Variants in FAM193A observed in about 807,000 individuals in gnomAD.
The protein encoded by FAM193A is protein FAM193A.
FAM193A carries 22 observed loss-of-function variants against 126.5 expected under a neutral mutation model. The observed-to-expected ratio is 0.17, with a 90% confidence interval of 0.12 to 0.25. FAM193A has a LOEUF of 0.25. Among genes scored for constraint, FAM193A ranks in the 10% least tolerant of loss-of-function variants. FAM193A has a pLI of 1.00. For missense variants in FAM193A, 1,675 were observed against 1,672.8 expected, an observed-to-expected ratio of 1.00 and a Z score of -0.02; for synonymous variants, 761 against 646.8, an observed-to-expected ratio of 1.18 and a Z score of -2.68.
chr4:2,620,837 A>AAAAAAAAAAAG (rs1742502096), intron 2 of FAM193A, among the ~76,000 whole-genome samples: 2 of 30,844 alleles, frequency 6.5e-5, no homozygotes, highest in African/African-American at 2.3e-4. Flanking sequence ...ACTCCGTCTC[A>AAAAAAAAAAAG]AAAAAAAAAA....
chr4:2,719,977 T>C, intron 20 of FAM193A: 1 of 296,896 alleles, frequency 3.4e-6, no homozygotes, highest in Non-Finnish European at 7.0e-6. Context: ...CTTCTTTTTG[T>C]AGAGACGGGG....
At chr4:2,592,243 C>T (rs1447952841) in intron 1 of FAM193A, among the ~76,000 whole-genome samples, 3 of 152,094 alleles carry the variant, frequency 2.0e-5, no homozygotes, top group Admixed American at 2.0e-4. Context: ...TGTACGCCAC[C>T]ACACCCGGCT....
intron 20 of FAM193A, among the ~76,000 whole-genome samples, chr4:2,718,081 T>A (rs184357728): frequency 3.9e-5 from 6 of 152,280 alleles, no homozygotes; most frequent in African/African-American, 1.4e-4. Context: ...CCTAAATTAG[T>A]TTTTAAAAAT....
intron 20 of FAM193A, among the ~76,000 whole-genome samples, chr4:2,723,811 T>C (rs1720429483): frequency 6.6e-6 from 1 of 151,978 alleles, no homozygotes; most frequent in South Asian, 2.1e-4. Context: ...TGTTTGTTTG[T>C]TTTGTTTTGT....
At chr4:2,638,492 C>T (rs1159862145) in intron 5 of FAM193A, among the ~76,000 whole-genome samples, 1 of 152,146 alleles carries the variant, frequency 6.6e-6, no homozygotes, top group African/African-American at 2.4e-5. Context: ...GATGATGTTT[C>T]AATCTGGGAG....
intron 6 of FAM193A, among the ~76,000 whole-genome samples, chr4:2,644,033 A>G (rs1440136359): frequency 6.6e-6 from 1 of 152,194 alleles, no homozygotes; most frequent in Non-Finnish European, 1.5e-5. Context: ...GCATATTTTC[A>G]TGCTGCTGTC....
In FAM193A at chr4:2,547,642, T is replaced by G. The variant is rs182674416; in HGVS notation, c.255+10472T>G. Among the ~76,000 whole-genome samples, 469 of 146,616 alleles carry G rather than the reference T, an allele frequency of 3.2e-3. 2 individuals are homozygous for G. Among genetic ancestry groups the G allele is most frequent in the African/African-American group, 0.011 (408 of 36,654 alleles). ...TGTGTGTGTATGTATTTTTTTTTTT[T>G]GGAAGTGGAGTCTCACCCTTTCGCC... On this transcript the variant is annotated intron_variant, in intron 1 of 20. Coordinates refer to ENST00000637812, the MANE Select transcript of FAM193A (RefSeq NM_001366318.2).
chr4:2,629,877 AG>A (rs1303394124), intron 4 of FAM193A, among the ~76,000 whole-genome samples: 44 of 152,290 alleles, frequency 2.9e-4, no homozygotes, highest in East Asian at 2.3e-3. Context: ...CACGCCTGTA[AG>A]TCCCAGTACT....
At chr4:2,554,363 T>A (rs930903889) in intron 1 of FAM193A, among the ~76,000 whole-genome samples, 4 of 152,104 alleles carry the variant, frequency 2.6e-5, no homozygotes, top group African/African-American at 7.2e-5. Context: ...GATTACAGTC[T>A]TGAAACCACC....
At chr4:2,542,444 G>T (rs1055163671) in intron 1 of FAM193A, among the ~76,000 whole-genome samples, 8 of 152,136 alleles carry the variant, frequency 5.3e-5, no homozygotes, top group Non-Finnish European at 8.8e-5. Flanking sequence ...GCACCTGGCC[G>T]ATATTTTAAG....
chr4:2,548,376 T>G (rs1737700867), intron 1 of FAM193A, among the ~76,000 whole-genome samples: 1 of 151,796 alleles, frequency 6.6e-6, no homozygotes, highest in Non-Finnish European at 1.5e-5. Flanking sequence ...CGGCCTACTT[T>G]GCCTATTTTT....
chr4:2,704,657 C>T (rs1718110348), intron 19 of FAM193A, among the ~76,000 whole-genome samples: 1 of 152,162 alleles, frequency 6.6e-6, no homozygotes, highest in Admixed American at 6.5e-5. Flanking sequence ...TCCAGTCAGC[C>T]CACCCACCAG....
At chr4:2,675,750 CTT>C (rs767693126) in intron 13 of FAM193A, among the ~76,000 whole-genome samples, 14 of 152,318 alleles carry the variant, frequency 9.2e-5, no homozygotes, top group Middle Eastern at 3.4e-3. Flanking sequence ...CTCCATAACT[CTT>C]TTCATCTTGT....
chr4:2,545,971 A>T (rs1737520757), intron 1 of FAM193A, among the ~76,000 whole-genome samples: 1 of 152,098 alleles, frequency 6.6e-6, no homozygotes, highest in Non-Finnish European at 1.5e-5. Flanking sequence ...AACATGGTGA[A>T]ATCGTGTCTC....
At chr4:2,730,866 C>CTGGG (rs1358534926) in intron 20 of FAM193A, among the ~76,000 whole-genome samples, 8 of 151,912 alleles carry the variant, frequency 5.3e-5, no homozygotes, top group African/African-American at 1.9e-4. Flanking sequence ...GCACTCCAGC[C>CTGGG]TGGGTGACAG....
chr4:2,713,276 C>T (rs370977480), intron 19 of FAM193A, among the ~76,000 whole-genome samples: 29 of 150,826 alleles, frequency 1.9e-4, no homozygotes, highest in East Asian at 5.8e-4. Flanking sequence ...CGTGGTGGCG[C>T]GCACCTGTAG....
chr4:2,631,302 T>C, intron 5 of FAM193A, 133 bp downstream of exon 5: 1 of 745,598 alleles, frequency 1.3e-6, no homozygotes, highest in East Asian at 2.8e-5. Flanking sequence ...CCCTCTTCTC[T>C]ACGGGAGAGG....
At chr4:2,572,704 G>A (rs866711535) in intron 1 of FAM193A, among the ~76,000 whole-genome samples, 4 of 152,074 alleles carry the variant, frequency 2.6e-5, no homozygotes, top group African/African-American at 9.7e-5. Context: ...GGACCTGGAG[G>A]GCTGGGGCGA....
At chr4:2,608,021 C>G (rs1331356427) in intron 2 of FAM193A, 1 of 1,603,708 alleles carries the variant, frequency 6.2e-7, no homozygotes, top group Non-Finnish European at 8.5e-7. Flanking sequence ...GAATGTGCAC[C>G]ACGCACTTCA....
Sources: allele counts gnomAD v4.1 joint callset (sites outside exome capture counted in the v4.1 genomes callset), GRCh38; gene constraint gnomAD v4.1.1; transcripts MANE v1.5; gene names NCBI Gene and HGNC (gene_info 2026-07-23, HGNC 2026-07-21).